The following CHTF18 variants were observed in gnomAD, a reference collection of about 807,000 sequenced individuals.
The protein encoded by CHTF18 is chromosome transmission fidelity protein 18 homolog.
In CHTF18, 151 loss-of-function variants were observed where a neutral mutation model predicts 113.4. The observed-to-expected ratio is 1.33, with a 90% CI of 1.17 to 1.52. The LOEUF (loss-of-function observed/expected upper bound fraction) is 1.52. Among genes scored for constraint, CHTF18 ranks in the 40% most tolerant of loss-of-function variants. The pLI is 0.00. For synonymous variants in CHTF18, 916 were observed against 598.8 expected, an observed-to-expected ratio of 1.53 and a Z score of -7.74; for missense variants, 1,982 against 1,381.6, an observed-to-expected ratio of 1.43 and a Z score of -6.89.
chr16:796,017 A>T lies in CHTF18; in HGVS notation c.2396A>T (p.Tyr799Phe), dbSNP rs1367851655. The T allele has an allele frequency of 8.1e-6, 13 of 1,607,226 alleles. No homozygotes were observed. Among genetic ancestry groups the T allele is most frequent in the Non-Finnish European group, 1.1e-5 (13 of 1,177,624 alleles). Residue 799 changes from tyrosine to phenylalanine, a missense_variant, in exon 18 of 22, where the codon TAC (tyrosine) becomes TTC (phenylalanine). Coordinates refer to ENST00000262315, the MANE Select transcript of CHTF18 (RefSeq NM_022092.3). ...LASLVGTMLA[Y>F]SLTYRQERTP... ...AGCCTGGTGGGCACGATGCTCGCTT[A>T]CAGCCTGACCTACCGCCAGGAGCGC... is the stretch of plus-strand genomic sequence containing the variant.
chr16:794,625 T>A (rs185217172), intron 15 of CHTF18: 99 of 237,340 alleles, frequency 4.2e-4, no homozygotes, highest in South Asian at 7.9e-4. Context: ...GTCTGCTGAC[T>A]CTAAGCGGCT....
intron 15 of CHTF18, 42 bp downstream of exon 15, chr16:794,243 C>T (rs750063244): frequency 1.3e-6 from 2 of 1,597,830 alleles, no homozygotes; most frequent in Non-Finnish European, 1.7e-6. Context: ...GGCCGCCTGG[C>T]TAGGACCTGG....
intron 8 of CHTF18, chr16:791,571 C>A: frequency 7.0e-7 from 1 of 1,432,782 alleles, no homozygotes; most frequent in East Asian, 2.5e-5. Context: ...AAGGGCTCTG[C>A]GGCTGGCCAG....
At chr16:793,891 G>T in intron 14 of CHTF18, 163 bp from the exon 15 acceptor site, 2 of 733,268 alleles carry the variant, frequency 2.7e-6, no homozygotes, top group Admixed American at 2.6e-5. Flanking sequence ...TGAGGTCCGG[G>T]CGTGTCTTTG....
chr16:793,224 AG>A lies in CHTF18; in HGVS notation c.1755del (p.Leu586SerfsTer145). On this transcript the variant is annotated frameshift_variant, in exon 14 of 22. Transcript: ENST00000262315. LOFTEE classifies it high-confidence loss of function. ...GCGTGGGCCTCAAGGACCAGCGCAG[AG>A]GGCTCTTCTCGGTGTGGCAGGAGGT... ...TRVGLKDQRR[G>X]LFSVWQEVFQ... The A allele has an allele frequency of 6.2e-7, 1 of 1,608,776 alleles. No homozygotes were observed. Among genetic ancestry groups the A allele is most frequent in the South Asian group, 1.1e-5 (1 of 90,426 alleles).
At position 794,158 on chromosome 16, in the gene CHTF18, T is replaced by C. The variant is rs1182528630; in HGVS notation, c.1907T>C (p.Leu636Pro). The C allele has an allele frequency of 1.2e-6, 2 of 1,612,238 alleles. No homozygotes were observed. The highest frequency in any genetic ancestry group is 1.3e-5 in the African/African-American group (1 of 74,922). ...GCCTCACAGCGATTCTACCGTGTCCTGCATGCCGCTGCCTCTGCGGGCGAG... is the reference window on the plus strand; with the variant it reads ...GCCTCACAGCGATTCTACCGTGTCCCGCATGCCGCTGCCTCTGCGGGCGAG... Reference protein sequence around the residue: ...TSASQRFYRVLHAAASAGEHE... With the variant: ...TSASQRFYRVPHAAASAGEHE... The change falls in exon 15 of 22, where the codon CTG becomes CCG. Residue 636 changes from leucine to proline, a missense_variant. Transcript: ENST00000262315.
intron 12 of CHTF18, 62 bp downstream of exon 12, chr16:792,873 G>C: frequency 6.5e-7 from 1 of 1,530,312 alleles, no homozygotes; most frequent in East Asian, 2.5e-5. Context: ...CCTCGTTCTG[G>C]CCCCTGTTTC....
chr16:792,641 G>T, intron 11 of CHTF18, 51 bp downstream of exon 11: 2 of 1,590,204 alleles, frequency 1.3e-6, no homozygotes, highest in Middle Eastern at 1.7e-4. Context: ...GTGCCTGGAG[G>T]GAGGGTTCCG....
At chr16:790,007 C>G (rs1455395399) in intron 4 of CHTF18, 170 bp from the exon 5 acceptor site, 3 of 1,535,456 alleles carry the variant, frequency 2.0e-6, no homozygotes, top group Admixed American at 3.9e-5. Flanking sequence ...CCCTTTGCAG[C>G]TGACCCATCT....
Position 795,585 on chromosome 16 carries a change from CCCCCCTGT to C in CHTF18, c.2176-99_2176-92del, listed in dbSNP as rs2151648970. The C allele has an allele frequency of 3.1e-5, 2 of 64,934 alleles. 1 individual carries two copies. Among genetic ancestry groups the C allele is most frequent in the African/African-American group, 5.8e-4 (2 of 3,450 alleles). 4.0% of individuals were successfully genotyped at this position (64,934 alleles called of 1,614,324 possible). On this transcript the variant is annotated intron_variant, in intron 16 of 21. Transcript: ENST00000262315. The stretch of plus-strand genomic sequence containing the variant: ...GTGGCTGCCCCCGGCCCCGTGCCCG[CCCCCCTGT>C]GCTGCCCGTGTGGCTGCCCTGGCCC...
At chr16:790,866 AG>A in intron 7 of CHTF18, 200 bp downstream of exon 7, 1 of 1,430,830 alleles carries the variant, frequency 7.0e-7, no homozygotes, top group East Asian at 2.5e-5. Flanking sequence ...GAGGCAGGCT[AG>A]GGGTCCAGGG....
chr16:788,931 G>T lies in CHTF18; in HGVS notation c.92G>T (p.Gly31Val), dbSNP rs553152583. 11 of 1,546,372 alleles carry T rather than the reference G, an allele frequency of 7.1e-6. No individual in the cohort carries two copies. The highest frequency in any genetic ancestry group is 9.5e-6 in the Non-Finnish European group (11 of 1,155,674). ...CGCTGACAATCTCCTCTCCCAGCAG[G>T]GGCGTCGACTCCGTCGCCCTCCGGG... is the stretch of plus-strand genomic sequence containing the variant. Reference protein sequence around the residue: ...AELEVLAELEGASTPSPSGVP... With the variant: ...AELEVLAELEVASTPSPSGVP... The change falls in exon 2 of 22, where the codon GGG becomes GTG. Residue 31 changes from glycine to valine, a missense_variant and splice_region_variant. Coordinates refer to ENST00000262315, the MANE Select transcript of CHTF18 (RefSeq NM_022092.3).
rs772053193 is a variant in CHTF18, at chr16:797,705, C to T, written c.2745C>T (p.Asp915=). The T allele has an allele frequency of 6.2e-6, 10 of 1,601,440 alleles. No individual in the cohort carries two copies. Among genetic ancestry groups the T allele is most frequent in the African/African-American group, 5.6e-5 (4 of 71,520 alleles). ...CTTCCTCCCATCAGCCTGAGAAGGA[C>T]TTCTTTGGACGTGTGGTCGTCAGGA... The part of the protein sequence containing the change: ...RAAREEQPEK[D]FFGRVVVRST... Residue 915 remains aspartate (D), a synonymous_variant, in exon 21 of 22, where the codon GAC becomes GAT. Transcript: ENST00000262315.
chr16:794,312 T>G, intron 15 of CHTF18, 111 bp downstream of exon 15: 1 of 1,297,552 alleles, frequency 7.7e-7, no homozygotes, highest in Non-Finnish European at 1.1e-6. Context: ...TTGGGGGTGC[T>G]GAGAGAGGCA....
Position 790,610 on chromosome 16 carries a change from T to C in CHTF18, c.838T>C (p.Cys280Arg). Residue 280 changes from cysteine (C) to arginine (R), a missense_variant, in exon 7 of 22, where the codon TGC becomes CGC. Cys to Arg is a radical substitution (Grantham distance 180). Transcript: ENST00000262315. ...TGACGGTCAAGACGCCTCCAGTCAC[T>C]GCCTCTGGGTGGATGAGTTTGCACC... ...PTDGQDASSH[C>R]LWVDEFAPRH... 1.3e-6 allele frequency: 2 copies of C among 1,594,602 alleles called. No individual in the cohort carries two copies. The highest frequency in any genetic ancestry group is 1.7e-6 in the Non-Finnish European group (2 of 1,172,264).
chr16:793,235 C>A lies in CHTF18; in HGVS notation c.1763C>A (p.Ser588Ter). 6.2e-7 allele frequency: 1 copy of A among 1,609,034 alleles called. No homozygotes were observed. Among genetic ancestry groups the A allele is most frequent in the Middle Eastern group, 1.9e-4 (1 of 5,190 alleles). ...AAGGACCAGCGCAGAGGGCTCTTCT[C>A]GGTGTGGCAGGAGGTCTTCCAGCTG... ...GLKDQRRGLF[S>*]VWQEVFQLPR... is the part of the protein sequence containing the mutation. The change falls in exon 14 of 22, where the codon TCG (serine) becomes TAG (stop). Residue 588 changes from serine (S) to a stop codon, truncating the protein, a stop_gained. Transcript: ENST00000262315. LOFTEE classifies it high-confidence loss of function.
At chr16:794,689 T>C (rs78916976) in intron 15 of CHTF18, 38,088 of 224,930 alleles carry the variant, frequency 0.17, 3,921 homozygotes, top group East Asian at 0.24. Context: ...AAAGCCGCGA[T>C]GTGGAGGGGC....
At chr16:794,912 G>A (rs2042295778) in intron 15 of CHTF18, 2 of 578,526 alleles carry the variant, frequency 3.5e-6, no homozygotes, top group Non-Finnish European at 6.2e-6. Flanking sequence ...GGATGCTCAG[G>A]GTGGACCCTC....
At chr16:792,687 TG>T in intron 11 of CHTF18, 30 bp from the exon 12 acceptor site, 1 of 1,577,982 alleles carries the variant, frequency 6.3e-7, no homozygotes, top group Non-Finnish European at 8.6e-7. Context: ...GTGCCAACCC[TG>T]GGGTCCCTGG....
Sources: allele counts gnomAD v4.1 joint callset, GRCh38; gene constraint gnomAD v4.1.1; transcripts MANE v1.5; gene names NCBI Gene and HGNC (gene_info 2026-07-23, HGNC 2026-07-21).